The following SCIN variants were observed in gnomAD, a reference collection of about 807,000 sequenced individuals.
SCIN encodes adseverin.
SCIN carries 91 observed loss-of-function variants against 91.8 expected under a neutral mutation model. The observed-to-expected ratio is 0.99, with a 90% CI of 0.84 to 1.18. The LOEUF is 1.18. SCIN is among the 50% of genes most tolerant of loss of function. The pLI, the probability that SCIN is intolerant of heterozygous loss-of-function variation, is 0.00. For synonymous variants in SCIN, 367 were observed against 312.6 expected (o/e 1.17, Z -1.84); for missense variants, 1,087 against 863.9 (o/e 1.26, Z -3.24).
At chr7:12,629,378 CTA>C (rs1413594801) in intron 9 of SCIN, among the ~76,000 whole-genome samples, 156 bp downstream of exon 9, 4 of 144,276 alleles carry the variant, frequency 2.8e-5, no homozygotes, top group Non-Finnish European at 5.9e-5. Flanking sequence ...ATGATTTTGA[CTA>C]TGTTTTGCAG....
At chr7:12,625,894 G>A (rs1783511221) in intron 7 of SCIN, 44 bp downstream of exon 7, 1 of 1,400,926 alleles carries the variant, frequency 7.1e-7, no homozygotes, top group African/African-American at 1.4e-5. Flanking sequence ...AGAAAACATT[G>A]GAGCTCATGA....
At chr7:12,621,719 AT>A (rs1783414104) in intron 4 of SCIN, among the ~76,000 whole-genome samples, 1 of 146,366 alleles carries the variant, frequency 6.8e-6, no homozygotes. Flanking sequence ...CATGTACAGT[AT>A]CTAAAACATT....
At chr7:12,590,660 G>A (rs1583283042) in intron 3 of SCIN, among the ~76,000 whole-genome samples, 1 of 152,262 alleles carries the variant, frequency 6.6e-6, no homozygotes, top group South Asian at 2.1e-4. Context: ...GGCAGAGGCA[G>A]AAGAAAGGGA....
chr7:12,578,463 A>C (rs759697618), intron 2 of SCIN, among the ~76,000 whole-genome samples: 1 of 152,122 alleles, frequency 6.6e-6, no homozygotes, highest in Non-Finnish European at 1.5e-5. Flanking sequence ...TTGATAGGTT[A>C]ATTTTTTAAA....
At chr7:12,626,554 G>C in intron 7 of SCIN, 30 bp from the exon 8 acceptor site, 1 of 1,434,212 alleles carries the variant, frequency 7.0e-7, no homozygotes, top group Non-Finnish European at 9.5e-7. Flanking sequence ...TTATTTTCCT[G>C]TTTACTATTA....
intron 3 of SCIN, among the ~76,000 whole-genome samples, chr7:12,590,432 G>T (rs1430609246): frequency 1.3e-5 from 2 of 152,098 alleles, no homozygotes; most frequent in East Asian, 3.9e-4. Context: ...TAGATGGGGG[G>T]AGGAGAAATA....
At chr7:12,628,139 C>G (rs1217704212) in intron 8 of SCIN, among the ~76,000 whole-genome samples, 2 of 152,000 alleles carry the variant, frequency 1.3e-5, no homozygotes, top group Non-Finnish European at 1.5e-5. Context: ...ATCTACAATT[C>G]TCATCTCTCC....
intron 8 of SCIN, among the ~76,000 whole-genome samples, chr7:12,628,031 G>C: frequency 1.5e-5 from 1 of 65,120 alleles, no homozygotes; most frequent in South Asian, 7.3e-4. Context: ...AAGTGTGCGC[G>C]CGTGTGTGTG....
chr7:12,646,839 T>C (rs1275843361), intron 13 of SCIN, among the ~76,000 whole-genome samples: 1 of 152,182 alleles, frequency 6.6e-6, no homozygotes, highest in African/African-American at 2.4e-5. Context: ...GATGAAGTGG[T>C]TCAAGTCTCC....
rs779550150 is a variant in SCIN at position 12,570,942 on chromosome 7, C to A, written c.156C>A (p.Ala52=). The change falls in exon 1 of 16, where the codon GCC becomes GCA. Residue 52 remains alanine (A), a synonymous_variant. Coordinates refer to ENST00000297029, the MANE Select transcript of SCIN (RefSeq NM_001112706.3). ...ATGCCTACCTGGTGCTGCACACGGC[C>A]AAGACGAGCCGAGGCTTCACCTACC... ...VGDAYLVLHT[A]KTSRGFTYHL... The A allele has an allele frequency of 2.6e-6, 4 of 1,551,340 alleles. No individual in the cohort carries two copies. In the South Asian group the frequency reaches 4.8e-5, roughly 18 times the overall value.
At chr7:12,637,451 T>A (rs1030217252) in intron 10 of SCIN, among the ~76,000 whole-genome samples, 1 of 150,094 alleles carries the variant, frequency 6.7e-6, no homozygotes, top group East Asian at 2.0e-4. Context: ...GGAGAAAGGA[T>A]GAACAGAAAT....
chr7:12,613,066 A>AGGACAGG (rs1317777881), intron 4 of SCIN, among the ~76,000 whole-genome samples: 1 of 152,186 alleles, frequency 6.6e-6, no homozygotes, highest in Non-Finnish European at 1.5e-5. Context: ...TTTAATGGGT[A>AGGACAGG]GGACAGGGGA....
At chr7:12,650,681 C>G (rs1415839348) in intron 14 of SCIN, among the ~76,000 whole-genome samples, 1 of 152,028 alleles carries the variant, frequency 6.6e-6, no homozygotes, top group Non-Finnish European at 1.5e-5. Flanking sequence ...TTTCAGCATT[C>G]AAGTACCCCC....
chr7:12,648,811 T>C (rs775723086), intron 13 of SCIN, among the ~76,000 whole-genome samples: 15 of 152,266 alleles, frequency 9.9e-5, no homozygotes, highest in Non-Finnish European at 1.5e-4. Context: ...GAAAATACGC[T>C]TAAATATATA....
intron 10 of SCIN, among the ~76,000 whole-genome samples, chr7:12,636,468 A>C (rs1194285393): frequency 6.6e-6 from 1 of 152,196 alleles, no homozygotes; most frequent in Non-Finnish European, 1.5e-5. Context: ...TGTTCAACAG[A>C]TACAGTAGGC....
At chr7:12,586,357 A>C (rs1782586226) in intron 3 of SCIN, among the ~76,000 whole-genome samples, 1 of 152,216 alleles carries the variant, frequency 6.6e-6, no homozygotes, top group African/African-American at 2.4e-5. Context: ...TATCAGGAAA[A>C]TGGAAAGCAA....
chr7:12,602,560 A>G (rs1562608485), intron 3 of SCIN, among the ~76,000 whole-genome samples: 1 of 152,066 alleles, frequency 6.6e-6, no homozygotes, highest in African/African-American at 2.4e-5. Flanking sequence ...CATAAGACAG[A>G]CACTCCCAGA....
rs1784168610 is a variant in SCIN at position 12,656,731 on chromosome 7, G to A, written c.*4016G>A. ...GAGGCCAGGAGTCCGAGACCAGCCT[G>A]ACCAACATAGTGAAACCCCGTCTCT... On this transcript the variant is annotated 3_prime_UTR_variant, in exon 16 of 16. Transcript: ENST00000297029. 6.6e-6 allele frequency: 1 copy of A among 152,168 alleles called. No individual in the cohort carries two copies. Among genetic ancestry groups the A allele is most frequent in the Non-Finnish European group, 1.5e-5 (1 of 68,066 alleles). 9.4% of individuals were successfully genotyped at this position (152,168 alleles called of 1,614,324 possible).
chr7:12,650,514 C>T (rs1449684309), intron 14 of SCIN, among the ~76,000 whole-genome samples: 1 of 152,142 alleles, frequency 6.6e-6, no homozygotes, highest in Non-Finnish European at 1.5e-5. Flanking sequence ...CTTTTATTTA[C>T]ATTACCATGC....
Sources: allele counts gnomAD v4.1 joint callset (sites outside exome capture counted in the v4.1 genomes callset), GRCh38; gene constraint gnomAD v4.1.1; transcripts MANE v1.5; gene names NCBI Gene and HGNC (gene_info 2026-07-23, HGNC 2026-07-21).